SLC24A2: variants seen among roughly 807,000 people sequenced by gnomAD.
SLC24A2 encodes the protein sodium/potassium/calcium exchanger 2.
A neutral mutation model predicts 62.0 loss-of-function variants in SLC24A2; 36 were observed. That is an observed-to-expected ratio of 0.58 (90% confidence interval 0.44 to 0.77). SLC24A2 has a LOEUF of 0.77. Among genes scored for constraint, SLC24A2 ranks in the 30% least tolerant of loss-of-function variants. The probability of loss-of-function intolerance (pLI) is 0.00; values close to 1 mark genes in which losing one functional copy is unlikely to be tolerated. For missense variants in SLC24A2, 846 were observed against 817.9 expected (o/e 1.03, Z -0.42); for synonymous variants, 358 against 294.0 (o/e 1.22, Z -2.23).
the SLC24A2 span, among the ~76,000 whole-genome samples, chr9:19,799,948 C>G: frequency 6.6e-6 from 1 of 152,130 alleles, no homozygotes; most frequent in Non-Finnish European, 1.5e-5. Flanking sequence ...GGTTAAGGCT[C>G]CAGGGGAGAA....
the SLC24A2 span, among the ~76,000 whole-genome samples, chr9:20,147,464 G>A: frequency 6.6e-6 from 1 of 152,082 alleles, no homozygotes; most frequent in Admixed American, 6.6e-5. Flanking sequence ...CTTGATGTCT[G>A]AAAATTTGTT....
chr9:20,075,352 T>C, the SLC24A2 span, among the ~76,000 whole-genome samples: 1 of 152,210 alleles, frequency 6.6e-6, no homozygotes, highest in Non-Finnish European at 1.5e-5. Flanking sequence ...TTAGAATAAC[T>C]GGATAACCTT....
chr9:19,968,090 T>C, the SLC24A2 span: 1 of 152,208 alleles, frequency 6.6e-6, no homozygotes. Flanking sequence ...AGGATAATTT[T>C]ATCTACCTTA....
At chr9:19,793,426 C>A (rs146038897), upstream of SLC24A2, among the ~76,000 whole-genome samples, 6 of 152,324 alleles carry the variant, frequency 3.9e-5, no homozygotes, top group African/African-American at 1.4e-4. Flanking sequence ...TGAAGCAAAT[C>A]AGATGGTCAT....
At chr9:19,881,719 T>C in the SLC24A2 span, among the ~76,000 whole-genome samples, 5,378 of 152,262 alleles carry the variant, frequency 0.035, 319 homozygotes, top group African/African-American at 0.12. Context: ...TTTTTTGCTG[T>C]AGACAGAGTC....
At chr9:20,007,937 C>T in the SLC24A2 span, among the ~76,000 whole-genome samples, 1 of 115,510 alleles carries the variant, frequency 8.7e-6, no homozygotes, top group African/African-American at 3.4e-5. Flanking sequence ...ACTCTGTTGC[C>T]CAGGCTGGAG....
intron 2 of SLC24A2, among the ~76,000 whole-genome samples, chr9:19,636,385 T>TCTC (rs1564010039): frequency 4.3e-4 from 11 of 25,362 alleles, no homozygotes; most frequent in Admixed American, 2.1e-3. Context: ...CTTTCTTTCT[T>TCTC]TCTCCCTCTC....
the SLC24A2 span, among the ~76,000 whole-genome samples, chr9:20,059,988 C>T: frequency 6.6e-6 from 1 of 151,964 alleles, no homozygotes; most frequent in Non-Finnish European, 1.5e-5. Context: ...ACTGACCTTA[C>T]AGAAATAAAA....
chr9:20,167,897 T>C, the SLC24A2 span, among the ~76,000 whole-genome samples: 3 of 151,788 alleles, frequency 2.0e-5, no homozygotes, highest in Middle Eastern at 3.2e-3. Context: ...GTTTTTTTTT[T>C]TTATATTCGA....
At chr9:19,544,715 C>G (rs1341392156) in intron 8 of SLC24A2, among the ~76,000 whole-genome samples, 1 of 152,100 alleles carries the variant, frequency 6.6e-6, no homozygotes, top group African/African-American at 2.4e-5. Context: ...ATATGAAATT[C>G]TGGGTTGAAA....
the SLC24A2 span, among the ~76,000 whole-genome samples, chr9:20,097,345 T>C: frequency 1.3e-5 from 2 of 152,340 alleles, no homozygotes; most frequent in South Asian, 2.1e-4. Flanking sequence ...CTTTATATTA[T>C]AGTCAGCAAA....
chr9:19,963,241 G>A, the SLC24A2 span, among the ~76,000 whole-genome samples: 1 of 143,812 alleles, frequency 7.0e-6, no homozygotes, highest in Non-Finnish European at 1.5e-5. Flanking sequence ...AGACTTACAT[G>A]TTAGACCTAA....
At chr9:19,559,688 C>A (rs569725242) in intron 7 of SLC24A2, among the ~76,000 whole-genome samples, 1 of 152,276 alleles carries the variant, frequency 6.6e-6, no homozygotes, top group South Asian at 2.1e-4. Context: ...TTCCATAGAA[C>A]ACTCTCCATT....
At position 19,622,248 on chromosome 9, in the gene SLC24A2, C is replaced by T; in HGVS notation, c.969+13G>A. On this transcript the variant is annotated intron_variant, in intron 3 of 10. Coordinates refer to ENST00000341998, the MANE Select transcript of SLC24A2 (RefSeq NM_020344.4). ...GCACACAAACAGGTACAGACAAAGC[C>T]ACTGCTTCCTACCGGTAGAGTTGGT... 1 of 1,612,728 alleles carries T rather than the reference C, an allele frequency of 6.2e-7. No individual in the cohort carries two copies. Among genetic ancestry groups the T allele is most frequent in the Non-Finnish European group, 8.5e-7 (1 of 1,178,920 alleles).
intron 2 of SLC24A2, among the ~76,000 whole-genome samples, chr9:19,729,394 G>C (rs764451030): frequency 3.3e-5 from 5 of 152,184 alleles, no homozygotes; most frequent in Non-Finnish European, 5.9e-5. Context: ...AAGGAAAGAA[G>C]TGTATTGAAG....
At chr9:20,204,347 C>A in the SLC24A2 span, among the ~76,000 whole-genome samples, 1 of 152,340 alleles carries the variant, frequency 6.6e-6, no homozygotes, top group African/African-American at 2.4e-5. Flanking sequence ...GCCACGTCTT[C>A]TGCATAATTT....
the SLC24A2 span, among the ~76,000 whole-genome samples, chr9:19,860,815 G>T: frequency 6.6e-6 from 1 of 152,178 alleles, no homozygotes; most frequent in Non-Finnish European, 1.5e-5. Context: ...AATATTCATC[G>T]TGGGCCCGAG....
At chr9:20,257,897 A>G in the SLC24A2 span, among the ~76,000 whole-genome samples, 4 of 152,290 alleles carry the variant, frequency 2.6e-5, no homozygotes, top group East Asian at 5.8e-4. Context: ...TGACACTGGC[A>G]TGGTCCCTTA....
At chr9:20,193,286 C>A in the SLC24A2 span, among the ~76,000 whole-genome samples, 3 of 152,074 alleles carry the variant, frequency 2.0e-5, no homozygotes, top group East Asian at 5.8e-4. Context: ...ATAAATCATG[C>A]CTTGAAATTT....
Sources: gnomAD v4.1 joint callset for allele counts (sites outside exome capture counted in the v4.1 genomes callset) on GRCh38, gnomAD v4.1.1 for gene constraint, MANE v1.5 for transcripts, NCBI Gene and HGNC (gene_info 2026-07-23, HGNC 2026-07-21) for gene names.